PDLIM5: variants seen among roughly 807,000 people sequenced by gnomAD.
The protein encoded by PDLIM5 is PDZ and LIM domain 5, also known as PDZ and LIM domain protein 5.
PDLIM5 carries 34 observed loss-of-function variants against 64.2 expected under a neutral mutation model. The ratio of observed to expected loss-of-function variants is 0.53; its 90% confidence interval spans 0.40 to 0.71. The LOEUF (loss-of-function observed/expected upper bound fraction) is 0.71. Among genes scored for constraint, PDLIM5 ranks in the 30% least tolerant of loss-of-function variants. The probability of loss-of-function intolerance (pLI) is 0.00; values close to 1 mark genes in which losing one functional copy is unlikely to be tolerated. For missense variants in PDLIM5, 683 were observed against 733.6 expected (o/e 0.93, Z 0.80); for synonymous variants, 253 against 269.1 (o/e 0.94, Z 0.59).
At chr4:94,544,134 T>A (rs1295873114) in intron 3 of PDLIM5, among the ~76,000 whole-genome samples, 1 of 152,162 alleles carries the variant, frequency 6.6e-6, no homozygotes, top group African/African-American at 2.4e-5. Flanking sequence ...AGTCTCTGCC[T>A]CCTTGGTCAG....
At chr4:94,529,084 T>C (rs1380808469) in intron 3 of PDLIM5, among the ~76,000 whole-genome samples, 1 of 152,186 alleles carries the variant, frequency 6.6e-6, no homozygotes, top group Non-Finnish European at 1.5e-5. Flanking sequence ...TTGTGGGTCA[T>C]TGCCTTGTTT....
At position 94,654,486 on chromosome 4, in the gene PDLIM5, A is replaced by G; in HGVS notation, c.1310A>G (p.Lys437Arg). The change falls in exon 10 of 13, where the codon AAA (lysine) becomes AGA (arginine). Residue 437 changes from lysine to arginine, a missense_variant. Coordinates refer to ENST00000317968, the MANE Select transcript of PDLIM5 (RefSeq NM_006457.5). ...GGACCATTCTTAGTGGCACTGGGGA[A>G]ATCTTGGCACCCAGAAGAATTCAAC... ...IRGPFLVALG[K>R]SWHPEEFNCA... is the part of the protein sequence containing the mutation. 1 of 1,612,218 alleles carries G rather than the reference A, an allele frequency of 6.2e-7. No individual in the cohort carries two copies. The highest frequency in any genetic ancestry group is 8.5e-7 in the Non-Finnish European group (1 of 1,178,302).
At chr4:94,541,997 G>A (rs1484447094) in intron 3 of PDLIM5, among the ~76,000 whole-genome samples, 1 of 152,108 alleles carries the variant, frequency 6.6e-6, no homozygotes, top group Non-Finnish European at 1.5e-5. Flanking sequence ...AGTGAATGGA[G>A]TCGGGGAGAT....
intron 2 of PDLIM5, among the ~76,000 whole-genome samples, chr4:94,480,096 G>A (rs577712065): frequency 1.3e-5 from 2 of 152,296 alleles, no homozygotes; most frequent in African/African-American, 4.8e-5. Context: ...TTTTAAATAT[G>A]ACTTCTCTTA....
chr4:94,545,898 T>C (rs1732270586), intron 3 of PDLIM5, among the ~76,000 whole-genome samples: 1 of 152,208 alleles, frequency 6.6e-6, no homozygotes, highest in Non-Finnish European at 1.5e-5. Context: ...CATTGACAAC[T>C]GAGCAGCCTT....
At chr4:94,532,143 T>A (rs1021687258) in intron 3 of PDLIM5, among the ~76,000 whole-genome samples, 13 of 152,162 alleles carry the variant, frequency 8.5e-5, no homozygotes, top group Non-Finnish European at 1.6e-4. Context: ...CTGGAATTTT[T>A]TAAAAAATAT....
intron 7 of PDLIM5, among the ~76,000 whole-genome samples, chr4:94,607,565 G>A (rs1738026925): frequency 6.6e-6 from 1 of 152,124 alleles, no homozygotes; most frequent in Non-Finnish European, 1.5e-5. Context: ...CAGATCTACA[G>A]ACAGAACATT....
At chr4:94,553,194 C>T (rs758877387) in intron 3 of PDLIM5, among the ~76,000 whole-genome samples, 3 of 151,936 alleles carry the variant, frequency 2.0e-5, no homozygotes, top group Non-Finnish European at 2.9e-5. Context: ...GTAAGATCTC[C>T]GCCTCCCAGA....
At chr4:94,648,500 A>G (rs1345886134) in intron 9 of PDLIM5, among the ~76,000 whole-genome samples, 1 of 152,146 alleles carries the variant, frequency 6.6e-6, no homozygotes, top group African/African-American at 2.4e-5. Flanking sequence ...TTGTATTTTT[A>G]GTAGAGACAG....
At chr4:94,547,330 G>A (rs1029399633) in intron 3 of PDLIM5, among the ~76,000 whole-genome samples, 1 of 152,054 alleles carries the variant, frequency 6.6e-6, no homozygotes, top group Non-Finnish European at 1.5e-5. Flanking sequence ...TTTCTCTTGC[G>A]ATTTCCAGTT....
chr4:94,642,177 G>T (rs1488392884), intron 9 of PDLIM5, among the ~76,000 whole-genome samples: 1 of 152,132 alleles, frequency 6.6e-6, no homozygotes, highest in Non-Finnish European at 1.5e-5. Context: ...CTATATTCTG[G>T]ATAAAAACAC....
chr4:94,587,316 A>G (rs1222350623), intron 7 of PDLIM5: 4 of 1,295,426 alleles, frequency 3.1e-6, no homozygotes, highest in African/African-American at 1.6e-5. Context: ...TTAAGGGACT[A>G]GATCTATTTG....
intron 2 of PDLIM5, among the ~76,000 whole-genome samples, chr4:94,495,035 A>T (rs1017680070): frequency 6.6e-6 from 1 of 152,108 alleles, no homozygotes; most frequent in Non-Finnish European, 1.5e-5. Flanking sequence ...GTGAGCCACC[A>T]TGCCCGGCCC....
chr4:94,559,749 G>A (rs1733677147), intron 3 of PDLIM5, among the ~76,000 whole-genome samples: 2 of 152,198 alleles, frequency 1.3e-5, no homozygotes, highest in African/African-American at 4.8e-5. Flanking sequence ...TATGAATGCA[G>A]CTGCTACTCT....
chr4:94,530,850 T>C (rs1246216307), intron 3 of PDLIM5, among the ~76,000 whole-genome samples: 2 of 152,182 alleles, frequency 1.3e-5, no homozygotes, highest in African/African-American at 4.8e-5. Flanking sequence ...AAGTAGCTGT[T>C]GTACCAGACT....
At chr4:94,593,450 C>G (rs1269526912) in intron 7 of PDLIM5, among the ~76,000 whole-genome samples, 1 of 152,024 alleles carries the variant, frequency 6.6e-6, no homozygotes, top group African/African-American at 2.4e-5. Context: ...TCTGTTGAGG[C>G]CTTTCCTAAC....
chr4:94,590,280 C>A (rs1288822827), intron 7 of PDLIM5, among the ~76,000 whole-genome samples: 1 of 152,026 alleles, frequency 6.6e-6, no homozygotes, highest in East Asian at 1.9e-4. Flanking sequence ...CACAGAGTAG[C>A]AGTTCCTTCT....
rs530907706 is a variant in PDLIM5, at chr4:94,588,278, G to A, written c.920+1834G>A. 5.7e-4 allele frequency: 358 copies of A among 623,312 alleles called. 1 individual carries two copies. The highest frequency in any genetic ancestry group is 1.0e-3 in the Admixed American group (16 of 15,808). 38.6% of individuals were successfully genotyped at this position (623,312 alleles called of 1,614,324 possible). A position where few individuals can be genotyped will look rare whatever the true frequency, so the allele number is the denominator to read the frequency against. ...TTACTAAAATATGGGTATAAAACAC[G>A]GCAGGCCAGGTGCGGTGGCTCACGC... On this transcript the variant is annotated intron_variant, in intron 7 of 12. Coordinates refer to ENST00000317968, the MANE Select transcript of PDLIM5 (RefSeq NM_006457.5).
intron 7 of PDLIM5, among the ~76,000 whole-genome samples, chr4:94,615,643 C>T (rs1258072573): frequency 6.6e-6 from 1 of 152,176 alleles, no homozygotes; most frequent in Non-Finnish European, 1.5e-5. Flanking sequence ...GTATGTCATG[C>T]TGAAATATAA....
Sources: allele counts gnomAD v4.1 joint callset (sites outside exome capture counted in the v4.1 genomes callset), GRCh38; gene constraint gnomAD v4.1.1; transcripts MANE v1.5; gene names NCBI Gene and HGNC (gene_info 2026-07-23, HGNC 2026-07-21).